RAD51B: variants seen among roughly 807,000 people sequenced by gnomAD.
RAD51B encodes RAD51 paralog B.
A neutral mutation model predicts 42.2 loss-of-function variants in RAD51B; 38 were observed. The ratio of observed to expected loss-of-function variants is 0.90; its 90% CI spans 0.70 to 1.18. The LOEUF (loss-of-function observed/expected upper bound fraction) is 1.18, where lower values mean the gene tolerates loss of function less well. Ranked by LOEUF, RAD51B falls within the 50% of genes most tolerant of loss-of-function variation. RAD51B has a pLI of 0.00. For synonymous variants in RAD51B, 154 were observed against 145.2 expected, an observed-to-expected ratio of 1.06 and a Z score of -0.43; for missense variants, 373 against 400.7, an observed-to-expected ratio of 0.93 and a Z score of 0.59.
At chr14:68,456,746 C>A (rs2085696910) in intron 9 of RAD51B, among the ~76,000 whole-genome samples, 1 of 151,932 alleles carries the variant, frequency 6.6e-6, no homozygotes, top group African/African-American at 2.4e-5. Context: ...TCAAAGGCAT[C>A]TATAGAACAC....
intron 8 of RAD51B, among the ~76,000 whole-genome samples, chr14:68,342,828 A>C: frequency 6.6e-6 from 1 of 152,028 alleles, no homozygotes; most frequent in East Asian, 1.9e-4. Context: ...CTTTTTTGAA[A>C]TTTTCAGTTT....
At chr14:68,135,204 G>A (rs2077983120) in intron 7 of RAD51B, among the ~76,000 whole-genome samples, 2 of 152,268 alleles carry the variant, frequency 1.3e-5, no homozygotes, top group Admixed American at 6.5e-5. Context: ...TGTAGCAAAG[G>A]AAGATCTCAC....
rs1269395916 is a variant in RAD51B, at chr14:68,361,654, C to T, written c.854-49770C>T. On this transcript the variant is annotated intron_variant, in intron 8 of 10. Transcript: ENST00000471583. ...ATGTATCTTATTCCCTTGACCTGGT[C>T]CTTGTTCCCTTGAAGTCTTTTGTTT... 2.0e-5 allele frequency among the ~76,000 whole-genome samples: 3 copies of T among 152,092 alleles called. No individual in the cohort carries two copies. The East Asian group carries it at 5.8e-4, about 29-fold the overall frequency.
chr14:67,848,249 C>T (rs780073075), intron 4 of RAD51B, among the ~76,000 whole-genome samples: 3 of 152,146 alleles, frequency 2.0e-5, no homozygotes, highest in Non-Finnish European at 4.4e-5. Flanking sequence ...AATCTCCTGA[C>T]CTCATGATCT....
chr14:68,371,059 A>AAAAAAAAT (rs2083250853), intron 8 of RAD51B, among the ~76,000 whole-genome samples: 1 of 144,384 alleles, frequency 6.9e-6, no homozygotes, highest in African/African-American at 2.6e-5. Flanking sequence ...AAAAAAAGAA[A>AAAAAAAAT]AAAAGAAAAG....
chr14:68,041,948 A>C, intron 7 of RAD51B, among the ~76,000 whole-genome samples: 1 of 152,210 alleles, frequency 6.6e-6, no homozygotes, highest in Non-Finnish European at 1.5e-5. Flanking sequence ...AGGAGACCCC[A>C]TGAAAGCAAT....
intron 9 of RAD51B, chr14:68,422,144 C>G: frequency 1.5e-6 from 2 of 1,373,958 alleles, no homozygotes; most frequent in South Asian, 2.3e-5. Context: ...GGAGACATGG[C>G]CCAAGGGCTC....
chr14:67,835,119 C>G lies in RAD51B; in HGVS notation c.238C>G (p.Pro80Ala). 1.2e-6 allele frequency: 2 copies of G among 1,613,866 alleles called. No individual in the cohort carries two copies. The highest frequency in any genetic ancestry group is 2.2e-5 in the South Asian group (2 of 91,072). The change falls in exon 4 of 11, where the codon CCA (proline) becomes GCA (alanine). Residue 80 changes from proline (P) to alanine (A), a missense_variant. Transcript: ENST00000471583. Reference sequence around the variant, plus strand: ...AGCACAAAGGTCTGCTGATTTCTCACCAGCATTCTTATCTACTACCCTTTC... The same window carrying G: ...AGCACAAAGGTCTGCTGATTTCTCAGCAGCATTCTTATCTACTACCCTTTC... ...IKAQRSADFSPAFLSTTLSAL... is the reference protein window; with the variant it reads ...IKAQRSADFSAAFLSTTLSAL...
intron 7 of RAD51B, among the ~76,000 whole-genome samples, chr14:68,149,314 G>A (rs1172067922): frequency 6.6e-6 from 1 of 151,866 alleles, no homozygotes; most frequent in Non-Finnish European, 1.5e-5. Context: ...GTTATCGTCT[G>A]GAATTTTTAT....
intron 10 of RAD51B, among the ~76,000 whole-genome samples, chr14:68,623,242 C>T (rs1228080018): frequency 9.2e-5 from 14 of 152,226 alleles, no homozygotes; most frequent in Admixed American, 9.2e-4. Context: ...CCAAGCCCTA[C>T]TTCTCAGTCC....
chr14:68,045,853 G>T (rs553329102), intron 7 of RAD51B, among the ~76,000 whole-genome samples: 3 of 152,080 alleles, frequency 2.0e-5, no homozygotes, highest in East Asian at 1.9e-4. Context: ...GTTAAGAAAA[G>T]ATTTATTTTT....
At chr14:67,979,684 A>T (rs368290279) in intron 7 of RAD51B, among the ~76,000 whole-genome samples, 93 of 152,218 alleles carry the variant, frequency 6.1e-4, no homozygotes, top group African/African-American at 2.1e-3. Flanking sequence ...CCAAGCTTCT[A>T]CTATTATTAT....
intron 7 of RAD51B, among the ~76,000 whole-genome samples, chr14:67,924,986 C>T (rs1323924202): frequency 3.3e-5 from 5 of 152,212 alleles, no homozygotes; most frequent in South Asian, 2.1e-4. Context: ...TGGGTAAATA[C>T]AGCCATTCCA....
At chr14:68,189,595 AG>A (rs2079223095) in intron 7 of RAD51B, among the ~76,000 whole-genome samples, 1 of 152,182 alleles carries the variant, frequency 6.6e-6, no homozygotes. Context: ...AGATATGGTT[AG>A]GATCAAACTT....
In RAD51B at chr14:68,540,495, G is replaced by A. The variant is rs140614965; in HGVS notation, c.1037-53990G>A. Reference sequence around the variant, plus strand: ...AAATGAGAGACTTATTTATTGCTCAGCTTGTTCCCTCATTTCTCTAGGTAA... The same window carrying A: ...AAATGAGAGACTTATTTATTGCTCAACTTGTTCCCTCATTTCTCTAGGTAA... On this transcript the variant is annotated intron_variant, in intron 10 of 10. Transcript: ENST00000487270. The A allele has an allele frequency of 4.2e-5, 41 of 985,270 alleles. No individual in the cohort carries two copies. The East Asian group carries it at 4.0e-3, about 95-fold the overall frequency. 61.0% of individuals were successfully genotyped at this position (985,270 alleles called of 1,614,324 possible).
chr14:68,526,900 C>G (rs1258201937), intron 10 of RAD51B, among the ~76,000 whole-genome samples: 1 of 152,190 alleles, frequency 6.6e-6, no homozygotes, highest in Non-Finnish European at 1.5e-5. Flanking sequence ...TTGCTTTGGA[C>G]AGAGGCCACT....
At chr14:68,295,681 A>T (rs999084893) in intron 8 of RAD51B, among the ~76,000 whole-genome samples, 1 of 152,134 alleles carries the variant, frequency 6.6e-6, no homozygotes, top group Non-Finnish European at 1.5e-5. Flanking sequence ...CCTCCTCTGC[A>T]TCAGAGCAGA....
chr14:67,865,082 G>T lies in RAD51B; in HGVS notation c.395G>T (p.Gly132Val). ...SILATLPTNM[G>V]GLEGAVVYID... is the part of the protein sequence containing the mutation. ...TTGGCTACATTACCCACCAACATGG[G>T]AGGATTAGAAGGAGCTGTGGTGTAC... The change falls in exon 5 of 11, where the codon GGA (glycine) becomes GTA (valine). Residue 132 changes from glycine to valine, a missense_variant. Transcript: ENST00000471583. The T allele has an allele frequency of 6.2e-7, 1 of 1,602,940 alleles. No homozygotes were observed.
intron 7 of RAD51B, among the ~76,000 whole-genome samples, chr14:68,063,028 T>C (rs1215305129): frequency 1.3e-5 from 2 of 152,096 alleles, no homozygotes; most frequent in Non-Finnish European, 2.9e-5. Context: ...TTTGTTAGTA[T>C]GTAGTTGTTC....
Sources: gnomAD v4.1 joint callset for allele counts (sites outside exome capture counted in the v4.1 genomes callset) on GRCh38, gnomAD v4.1.1 for gene constraint, MANE v1.5 for transcripts, NCBI Gene and HGNC (gene_info 2026-07-23, HGNC 2026-07-21) for gene names.